The following PCBP2 variants were observed in gnomAD, a reference collection of about 807,000 sequenced individuals.
PCBP2 encodes poly(rC) binding protein 2.
Under a neutral mutation model 50.1 loss-of-function variants are expected in PCBP2, and 4 were observed. The ratio of observed to expected loss-of-function variants is 0.08; its 90% CI spans 0.04 to 0.18. The LOEUF is 0.18. PCBP2 is among the 10% of genes least tolerant of loss of function. The pLI is 1.00. For missense variants in PCBP2, 161 were observed against 474.3 expected (o/e 0.34, Z 6.14); for synonymous variants, 179 against 168.0 (o/e 1.07, Z -0.51).
At chr12:53,474,836 C>CT (rs112797604) in intron 14 of PCBP2, 133 of 363,880 alleles carry the variant, frequency 3.7e-4, no homozygotes, top group Middle Eastern at 7.6e-4. Context: ...TCCACCCACC[C>CT]TTTTTTTTTG....
chr12:53,477,723 G>C (rs943443749), intron 14 of PCBP2, among the ~76,000 whole-genome samples: 4 of 148,612 alleles, frequency 2.7e-5, no homozygotes, highest in African/African-American at 9.9e-5. Flanking sequence ...TACTGAGGTG[G>C]AGAAACCATT....
chr12:53,462,519 G>A lies in PCBP2; in HGVS notation c.531G>A (p.Pro177=), dbSNP rs572864744. The part of the protein sequence containing the change: ...LESPPKGVTI[P]YRPKPSSSPV... Reference sequence around the variant, plus strand: ...CCCCCCCGAAGGGCGTGACCATCCCGTACCGGCCCAAGCCGTCCAGCTCTC... The same window carrying A: ...CCCCCCCGAAGGGCGTGACCATCCCATACCGGCCCAAGCCGTCCAGCTCTC... The change falls in exon 8 of 15, where the codon CCG becomes CCA. Residue 177 remains proline (P), a synonymous_variant. Transcript: ENST00000546463. 5 of 1,612,616 alleles carry A rather than the reference G, an allele frequency of 3.1e-6. No individual in the cohort carries two copies. Among genetic ancestry groups the A allele is most frequent in the East Asian group, 2.2e-5 (1 of 44,850 alleles).
intron 6 of PCBP2, chr12:53,460,401 C>T (rs1351214454): frequency 2.6e-6 from 1 of 390,952 alleles, no homozygotes; most frequent in Admixed American, 2.9e-5. Context: ...CTGCCTTGGT[C>T]TCCCAAAGTG....
chr12:53,464,915 A>G, intron 9 of PCBP2, 63 bp downstream of exon 9: 1 of 1,519,112 alleles, frequency 6.6e-7, no homozygotes, highest in Non-Finnish European at 8.8e-7. Context: ...GAGACTGCCA[A>G]CACACGGGGG....
intron 6 of PCBP2, chr12:53,460,139 C>G (rs910324139): frequency 1.3e-5 from 3 of 233,202 alleles, no homozygotes; most frequent in Non-Finnish European, 2.7e-5. Flanking sequence ...AGATGTAATT[C>G]TACATCTTTT....
At position 53,462,528 on chromosome 12, in the gene PCBP2, C is replaced by G. The variant is rs1565862902; in HGVS notation, c.540C>G (p.Pro180=). ...AGGGCGTGACCATCCCGTACCGGCC[C>G]AAGCCGTCCAGCTCTCCGGTCATCT... The part of the protein sequence containing the change: ...PPKGVTIPYR[P]KPSSSPVIFA... Residue 180 remains proline, a synonymous_variant, in exon 8 of 15, where the codon CCC becomes CCG. Transcript: ENST00000546463. 5 of 1,613,668 alleles carry G rather than the reference C, an allele frequency of 3.1e-6. No homozygotes were observed. The highest frequency in any genetic ancestry group is 1.1e-5 in the South Asian group (1 of 91,020).
intron 14 of PCBP2, among the ~76,000 whole-genome samples, chr12:53,478,936 G>A (rs879337551): frequency 2.6e-5 from 4 of 151,982 alleles, no homozygotes; most frequent in Non-Finnish European, 4.4e-5. Flanking sequence ...GAACTCCAGG[G>A]CTTTAAAGTA....
At chr12:53,477,154 T>A (rs761597679) in intron 14 of PCBP2, among the ~76,000 whole-genome samples, 14 of 152,176 alleles carry the variant, frequency 9.2e-5, no homozygotes, top group Non-Finnish European at 1.9e-4. Context: ...TCGGGCTTGA[T>A]ACACATTCAG....
intron 1 of PCBP2, among the ~76,000 whole-genome samples, 188 bp downstream of exon 1, chr12:53,452,564 TC>T (rs1940622478): frequency 6.6e-6 from 1 of 150,576 alleles, no homozygotes; most frequent in African/African-American, 2.4e-5. Context: ...CTAGTAGGCC[TC>T]GCGCAAGGCC....
intron 14 of PCBP2, chr12:53,475,371 TGTTTA>T (rs1942507702): frequency 2.8e-6 from 1 of 356,880 alleles, no homozygotes; most frequent in Non-Finnish European, 5.5e-6. Flanking sequence ...TGGTAACCCT[TGTTTA>T]GGTTTAGGCC....
chr12:53,474,418 C>G (rs930189809), intron 14 of PCBP2, among the ~76,000 whole-genome samples: 2 of 152,194 alleles, frequency 1.3e-5, no homozygotes, highest in African/African-American at 4.8e-5. Context: ...TTTAAAAATT[C>G]TGCTTTATAA....
rs5798266 is a variant in PCBP2, at chr12:53,468,917, C to CTTTTTTTTTTTTTTTTTTTTTTT, written c.882+104_882+105insTTTTTTTTTTTTTTTTTTTTTTT. 7 of 574,584 alleles carry CTTTTTTTTTTTTTTTTTTTTTTT rather than the reference C, an allele frequency of 1.2e-5. No homozygotes were observed. In the African/African-American group the frequency reaches 1.5e-4, roughly 13 times the overall value. 35.6% of individuals were successfully genotyped at this position (574,584 alleles called of 1,614,324 possible). A position where few individuals can be genotyped will look rare whatever the true frequency, so the allele number is the denominator to read the frequency against. On this transcript the variant is annotated intron_variant, in intron 13 of 14. Transcript: ENST00000546463. ...GTCGTTTCAGCAGTGTCCTGCTACC[C>CTTTTTTTTTTTTTTTTTTTTTTT]TTTTTTTTTTTTTTTTTTTAAACAG...
intron 14 of PCBP2, chr12:53,475,929 A>C (rs901704398): frequency 6.6e-6 from 1 of 152,212 alleles, no homozygotes; most frequent in Non-Finnish European, 1.5e-5. Flanking sequence ...TCATCCCAGG[A>C]TTCCTCTGGT....
rs985441370 is a variant in PCBP2, at chr12:53,455,755, G to A, written c.127-130G>A. ...TTGAGGATAGTCATGGAGCAGTAGT[G>A]TTTGGAATGATGCTGACTTTGCTTT... is the stretch of plus-strand genomic sequence containing the variant. On this transcript the variant is annotated intron_variant, in intron 4 of 14. Transcript: ENST00000546463. 3 of 735,632 alleles carry A rather than the reference G, an allele frequency of 4.1e-6. No homozygotes were observed. In the African/African-American group the frequency reaches 5.2e-5, roughly 13 times the overall value. The allele number at this position is 735,632 out of a possible 1,614,324, so 45.6% of individuals were successfully genotyped here.
intron 1 of PCBP2, chr12:53,452,934 G>A (rs1049325771): frequency 1.3e-5 from 2 of 152,104 alleles, no homozygotes; most frequent in Non-Finnish European, 2.9e-5. Context: ...AGAAAGGGTA[G>A]ACGGGCTCCC....
chr12:53,471,815 T>C lies in PCBP2; in HGVS notation c.1052+8T>C. ...ATATCTAATCAATGTCAGGTAAGAT[T>C]GCTCTACCTTTTGTCTTATTTATGC... On this transcript the variant is annotated splice_region_variant and intron_variant, in intron 14 of 14. Transcript: ENST00000546463. The C allele has an allele frequency of 6.2e-7, 1 of 1,609,270 alleles. No individual in the cohort carries two copies. The highest frequency in any genetic ancestry group is 8.5e-7 in the Non-Finnish European group (1 of 1,177,840).
At chr12:53,470,378 CAAAAAAAAAAAA>C (rs754350790) in intron 13 of PCBP2, among the ~76,000 whole-genome samples, 11 of 47,362 alleles carry the variant, frequency 2.3e-4, no homozygotes, top group Non-Finnish European at 2.8e-4. Context: ...CTCCGTCTCT[CAAAAAAAAAAAA>C]AAAAAAAAAA....
In PCBP2 at chr12:53,462,480, G is replaced by T; in HGVS notation, c.505-13G>T. 6.2e-7 allele frequency: 1 copy of T among 1,603,430 alleles called. No individual in the cohort carries two copies. Among genetic ancestry groups the T allele is most frequent in the South Asian group, 1.1e-5 (1 of 90,124 alleles). Reference sequence around the variant, plus strand: ...ATCTCTTTTTGTTTTTTTCCCCTCTGACTCTCTCCCAGTCCCCCCCGAAGG... The same window carrying T: ...ATCTCTTTTTGTTTTTTTCCCCTCTTACTCTCTCCCAGTCCCCCCCGAAGG... On this transcript the variant is annotated splice_polypyrimidine_tract_variant and intron_variant, in intron 7 of 14. Coordinates refer to ENST00000546463, the MANE Select transcript of PCBP2 (RefSeq NM_031989.5).
intron 10 of PCBP2, 44 bp from the exon 11 acceptor site, chr12:53,467,175 GCT>G (rs1565866955): frequency 6.8e-7 from 1 of 1,463,436 alleles, no homozygotes; most frequent in Admixed American, 1.7e-5. Context: ...TTGAGCCCTG[GCT>G]CTGTTAAATC....
Sources: gnomAD v4.1 joint callset for allele counts (sites outside exome capture counted in the v4.1 genomes callset) on GRCh38, gnomAD v4.1.1 for gene constraint, MANE v1.5 for transcripts, NCBI Gene and HGNC (gene_info 2026-07-23, HGNC 2026-07-21) for gene names.